The following PSME4 variants were observed in gnomAD, a reference collection of about 807,000 sequenced individuals.
PSME4 encodes proteasome activator complex subunit 4.
PSME4 carries 89 observed loss-of-function variants against 253.9 expected under a neutral mutation model. The observed-to-expected ratio is 0.35, with a 90% confidence interval of 0.30 to 0.42. The LOEUF is 0.42. PSME4 is among the 10% of genes least tolerant of loss of function. The probability of loss-of-function intolerance (pLI) is 1.00; values close to 1 mark genes in which losing one functional copy is unlikely to be tolerated. For missense variants in PSME4, 2,014 were observed against 2,195.2 expected, an observed-to-expected ratio of 0.92 and a Z score of 1.65; for synonymous variants, 851 against 759.2, an observed-to-expected ratio of 1.12 and a Z score of -1.99.
chr2:53,936,281 T>C lies in PSME4; in HGVS notation c.760-120A>G, dbSNP rs1301801330. 11 of 1,395,922 alleles carry C rather than the reference T, an allele frequency of 7.9e-6. No homozygotes were observed. The Admixed American group carries it at 1.9e-4, about 24-fold the overall frequency. 86.5% of individuals were successfully genotyped at this position (1,395,922 alleles called of 1,614,324 possible). On this transcript the variant is annotated intron_variant, in intron 6 of 46. Transcript: ENST00000404125. ...CATTAGTGCAATCTACTTAAATAGATAGTTTATGACTTTGTTTTTTTTAAA... is the reference window on the plus strand; with the variant it reads ...CATTAGTGCAATCTACTTAAATAGACAGTTTATGACTTTGTTTTTTTTAAA...
intron 32 of PSME4, among the ~76,000 whole-genome samples, chr2:53,896,561 A>G (rs1431815947): frequency 6.6e-6 from 1 of 152,252 alleles, no homozygotes; most frequent in East Asian, 1.9e-4. Flanking sequence ...TACAGTTGAT[A>G]AAATAATTAG....
intron 4 of PSME4, 85 bp from the exon 5 acceptor site, chr2:53,937,625 G>C: frequency 2.3e-6 from 3 of 1,283,464 alleles, no homozygotes; most frequent in Non-Finnish European, 2.2e-6. Context: ...CAAAAGGCTG[G>C]GGGAGGAGGA....
chr2:53,948,150 T>C (rs998151814), intron 3 of PSME4, among the ~76,000 whole-genome samples: 1 of 152,214 alleles, frequency 6.6e-6, no homozygotes, highest in Non-Finnish European at 1.5e-5. Context: ...GATATTTTAT[T>C]ATATAAACTC....
At chr2:53,873,797 T>C (rs1679003130) in intron 43 of PSME4, among the ~76,000 whole-genome samples, 1 of 152,136 alleles carries the variant, frequency 6.6e-6, no homozygotes, top group African/African-American at 2.4e-5. Flanking sequence ...ACAATTATCA[T>C]CCCCAATTTC....
chr2:53,964,251 T>G (rs185289960), intron 1 of PSME4, among the ~76,000 whole-genome samples: 3 of 152,302 alleles, frequency 2.0e-5, no homozygotes, highest in African/African-American at 7.2e-5. Context: ...AATGTATGCA[T>G]GTGTAGAGAC....
At chr2:53,967,277 A>C (rs1490362782) in intron 1 of PSME4, among the ~76,000 whole-genome samples, 2 of 152,198 alleles carry the variant, frequency 1.3e-5, no homozygotes, top group African/African-American at 2.4e-5. Context: ...GTATTTAAAA[A>C]TATAGAAATA....
chr2:53,866,110 C>T lies in PSME4; in HGVS notation c.5511G>A (p.Val1837=). The change falls in exon 46 of 47, where the codon GTG becomes GTA. Residue 1837 remains valine (V), a synonymous_variant. Transcript: ENST00000404125. The stretch of plus-strand genomic sequence containing the variant: ...CTTTCTATGCATAATAGCATGGTGA[C>T]ACAAGAAGATCGGTGAGAACAAGCA... ...DQLLVLTDLL[V]SPCYYA 1.2e-6 allele frequency: 2 copies of T among 1,613,130 alleles called. No homozygotes were observed. The highest frequency in any genetic ancestry group is 1.7e-6 in the Non-Finnish European group (2 of 1,179,164).
chr2:53,923,890 T>G (rs942666432), intron 14 of PSME4, among the ~76,000 whole-genome samples: 1 of 122,746 alleles, frequency 8.1e-6, no homozygotes, highest in African/African-American at 3.3e-5. Flanking sequence ...GACACTGCAC[T>G]CCAGCCCAGG....
intron 42 of PSME4, among the ~76,000 whole-genome samples, chr2:53,875,087 C>T (rs182364085): frequency 6.6e-6 from 1 of 152,308 alleles, no homozygotes; most frequent in Admixed American, 6.5e-5. Context: ...AAATGATTAA[C>T]AACTACTAAA....
chr2:53,906,768 C>T (rs1680678997), intron 25 of PSME4, 38 bp downstream of exon 25: 2 of 1,600,628 alleles, frequency 1.2e-6, no homozygotes, highest in Admixed American at 1.8e-5. Context: ...GGAAAATTGA[C>T]ATTTTAAAAA....
intron 3 of PSME4, among the ~76,000 whole-genome samples, chr2:53,945,315 AAAT>A (rs1344356865): frequency 3.3e-5 from 5 of 152,238 alleles, no homozygotes; most frequent in Admixed American, 6.5e-5. Flanking sequence ...TTTATAAAGT[AAAT>A]AATAATTCTT....
intron 4 of PSME4, among the ~76,000 whole-genome samples, chr2:53,939,099 G>A (rs906198721): frequency 6.6e-6 from 1 of 152,182 alleles, no homozygotes; most frequent in Non-Finnish European, 1.5e-5. Flanking sequence ...TTCATTGGTG[G>A]CTTATGACTC....
At chr2:53,939,900 A>T in intron 4 of PSME4, 56 bp downstream of exon 4, 1 of 1,431,966 alleles carries the variant, frequency 7.0e-7, no homozygotes, top group Non-Finnish European at 9.7e-7. Flanking sequence ...CATACTAAAG[A>T]TGTGGAAAAG....
In PSME4 at chr2:53,908,578, A is replaced by G. The variant is rs774716798; in HGVS notation, c.2630-13T>C. The G allele has an allele frequency of 2.0e-5, 32 of 1,579,658 alleles. No homozygotes were observed. The highest frequency in any genetic ancestry group is 2.4e-5 in the Non-Finnish European group (28 of 1,166,396). On this transcript the variant is annotated splice_polypyrimidine_tract_variant and intron_variant, in intron 22 of 46. Coordinates refer to ENST00000404125, the MANE Select transcript of PSME4 (RefSeq NM_014614.3). ...TCAAGTATGTGGTCTATAATGGAAG[A>G]AAGAAAAGGATTTTGGTTAAAATAT... is the stretch of plus-strand genomic sequence containing the variant.
rs149271744 is a variant in PSME4, at chr2:53,889,457, A to G, written c.4297-645T>C. Among the ~76,000 whole-genome samples the G allele has an allele frequency of 1.0e-3, 155 of 152,310 alleles. 1 individual carries two copies. The highest frequency in any genetic ancestry group is 3.6e-3 in the African/African-American group (151 of 41,568). On this transcript the variant is annotated intron_variant, in intron 37 of 46. Coordinates refer to ENST00000404125, the MANE Select transcript of PSME4 (RefSeq NM_014614.3). ...AAAAAAAAATCTGAACAGGTTCACTATAGACACAACCATCCCCCCACCCCC... is the reference window on the plus strand; with the variant it reads ...AAAAAAAAATCTGAACAGGTTCACTGTAGACACAACCATCCCCCCACCCCC...
At chr2:53,879,375 C>T (rs2104417036) in intron 41 of PSME4, among the ~76,000 whole-genome samples, 1 of 152,132 alleles carries the variant, frequency 6.6e-6, no homozygotes, top group East Asian at 1.9e-4. Context: ...ATAAAGTAAT[C>T]CCTTAAAAGT....
intron 10 of PSME4, among the ~76,000 whole-genome samples, chr2:53,931,413 C>T (rs992547711): frequency 1.3e-5 from 2 of 152,112 alleles, no homozygotes; most frequent in African/African-American, 4.8e-5. Flanking sequence ...ACTGTAAAAA[C>T]AACACACCTG....
intron 26 of PSME4, among the ~76,000 whole-genome samples, chr2:53,905,170 T>C (rs1173393093): frequency 1.3e-5 from 2 of 150,992 alleles, no homozygotes; most frequent in South Asian, 2.1e-4. Context: ...GCTGGGACTA[T>C]AGGCGCATGC....
intron 30 of PSME4, 53 bp downstream of exon 30, chr2:53,898,248 C>G: frequency 6.7e-7 from 1 of 1,503,268 alleles, no homozygotes; most frequent in Non-Finnish European, 9.1e-7. Context: ...TAGAAAACTC[C>G]TATAGTATTT....
Sources: gnomAD v4.1 joint callset for allele counts (sites outside exome capture counted in the v4.1 genomes callset) on GRCh38, gnomAD v4.1.1 for gene constraint, MANE v1.5 for transcripts, NCBI Gene and HGNC (gene_info 2026-07-23, HGNC 2026-07-21) for gene names.